The following GRIA2 variants were observed in gnomAD, a reference collection of about 807,000 sequenced individuals.
The protein encoded by GRIA2 is glutamate ionotropic receptor AMPA type subunit 2.
A neutral mutation model predicts 97.3 loss-of-function variants in GRIA2; 14 were observed. That is an observed-to-expected ratio of 0.14 (90% CI 0.10 to 0.23). The LOEUF (loss-of-function observed/expected upper bound fraction) is 0.23. Ranked by LOEUF, GRIA2 falls within the 10% of genes least tolerant of loss-of-function variation. The probability of loss-of-function intolerance (pLI) is 1.00; values close to 1 mark genes in which losing one functional copy is unlikely to be tolerated. For synonymous variants in GRIA2, 412 were observed against 387.8 expected, an observed-to-expected ratio of 1.06 and a Z score of -0.73; for missense variants, 558 against 1,069.8, an observed-to-expected ratio of 0.52 and a Z score of 6.67.
chr4:157,274,807 G>A (rs1732208274), intron 2 of GRIA2, among the ~76,000 whole-genome samples: 1 of 151,866 alleles, frequency 6.6e-6, no homozygotes, highest in African/African-American at 2.4e-5. Flanking sequence ...TTGCTATTGT[G>A]AATAGTGCTG....
At chr4:157,221,599 G>A in intron 1 of GRIA2, 68 bp from the exon 2 acceptor site, 17 of 1,531,722 alleles carry the variant, frequency 1.1e-5, no homozygotes, top group South Asian at 5.9e-5. Context: ...TTGGGCGCTA[G>A]CGCGCGCCCC....
Position 157,303,759 on chromosome 4 carries a change from A to G in GRIA2, c.437A>G (p.Asp146Gly). ...AGCTTGATTGAATACTATCAATGGG[A>G]CAAGTTTGCATACCTCTATGACAGT... ...LLSLIEYYQW[D>G]KFAYLYDSDR... The change falls in exon 3 of 16, where the codon GAC becomes GGC. Residue 146 changes from aspartate (D) to glycine (G), a missense_variant. By Grantham distance (94) the Asp-to-Gly change is moderately conservative. This residue lies in a region of GRIA2 where 173 missense variants were observed against 209.1 expected (regional missense o/e 0.83). Coordinates refer to ENST00000264426, the MANE Select transcript of GRIA2 (RefSeq NM_001083619.3). The G allele has an allele frequency of 3.7e-6, 6 of 1,613,784 alleles. No individual in the cohort carries two copies. Among genetic ancestry groups the G allele is most frequent in the Non-Finnish European group, 5.1e-6 (6 of 1,179,706 alleles).
rs1162343062 is a variant in GRIA2, at chr4:157,355,923, T to A, written c.2044-3973T>A. Reference sequence around the variant, plus strand: ...TATAAATATATATATATTAATATATTTATATATATTTATATATTAATATAT... The same window carrying A: ...TATAAATATATATATATTAATATATATATATATATTTATATATTAATATAT... On this transcript the variant is annotated intron_variant, in intron 12 of 15. Coordinates refer to ENST00000264426, the MANE Select transcript of GRIA2 (RefSeq NM_001083619.3). Among the ~76,000 whole-genome samples the A allele has an allele frequency of 1.6e-3, 106 of 67,088 alleles. 6 individuals carry two copies. Among genetic ancestry groups the A allele is most frequent in the Non-Finnish European group, 2.3e-3 (92 of 39,996 alleles). 44.0% of individuals were successfully genotyped at this position (67,088 alleles called of 152,430 possible). A position where few individuals can be genotyped will look rare whatever the true frequency, so the allele number is the denominator to read the frequency against.
intron 2 of GRIA2, among the ~76,000 whole-genome samples, chr4:157,278,430 G>A (rs927267117): frequency 3.8e-4 from 57 of 151,990 alleles, no homozygotes; most frequent in African/African-American, 1.3e-3. Flanking sequence ...AACAAAAAAA[G>A]AACCTGTGAC....
In GRIA2 at chr4:157,332,827, T is replaced by C. The variant is rs34460606; in HGVS notation, c.891T>C (p.Ser297=). ...TGTGTGATCCTTTGCAGTATACTTCTGCTCTGACCTATGATGCCGTTCAAG... is the reference window on the plus strand; with the variant it reads ...TGTGTGATCCTTTGCAGTATACTTCCGCTCTGACCTATGATGCCGTTCAAG... ...GAHTTTIKYT[S]ALTYDAVQVM... The change falls in exon 7 of 16, where the codon TCT becomes TCC. Residue 297 remains serine, a synonymous_variant. Coordinates refer to ENST00000264426, the MANE Select transcript of GRIA2 (RefSeq NM_001083619.3). 4,357 of 1,611,434 alleles carry C rather than the reference T, an allele frequency of 2.7e-3. 92 individuals carry two copies. The African/African-American group carries it at 0.047, about 17-fold the overall frequency.
At chr4:157,315,818 C>T (rs949446624) in intron 4 of GRIA2, among the ~76,000 whole-genome samples, 3 of 152,148 alleles carry the variant, frequency 2.0e-5, no homozygotes, top group South Asian at 2.1e-4. Context: ...GGATTACAGG[C>T]GTGGACTATG....
intron 2 of GRIA2, among the ~76,000 whole-genome samples, chr4:157,269,473 C>A (rs1049997948): frequency 6.6e-6 from 1 of 151,906 alleles, no homozygotes; most frequent in Admixed American, 6.6e-5. Flanking sequence ...GTAAACGTAC[C>A]TCTGAAAGCT....
At chr4:157,276,885 A>G (rs1732342053) in intron 2 of GRIA2, among the ~76,000 whole-genome samples, 3 of 151,952 alleles carry the variant, frequency 2.0e-5, no homozygotes, top group South Asian at 2.1e-4. Flanking sequence ...AATTGAATAA[A>G]CCTATGTCTA....
At chr4:157,301,421 A>T (rs1218166209) in intron 2 of GRIA2, among the ~76,000 whole-genome samples, 1 of 152,220 alleles carries the variant, frequency 6.6e-6, no homozygotes, top group Non-Finnish European at 1.5e-5. Context: ...AAATAAATGT[A>T]ATGAAATGCA....
rs530749225 is a variant in GRIA2, at chr4:157,226,443, A to C, written c.229+4636A>C. Among the ~76,000 whole-genome samples, 366 of 152,228 alleles carry C rather than the reference A, an allele frequency of 2.4e-3. 1 individual carries two copies. Among genetic ancestry groups the C allele is most frequent in the African/African-American group, 8.2e-3 (340 of 41,578 alleles). On this transcript the variant is annotated intron_variant, in intron 2 of 15. Coordinates refer to ENST00000264426, the MANE Select transcript of GRIA2 (RefSeq NM_001083619.3). ...TGCCCTATATTTTATGTTTTAGAAG[A>C]TAAAGACTGTTAGAATAGATTGTAA... is the stretch of plus-strand genomic sequence containing the variant.
chr4:157,347,091 T>G (rs1735796003), intron 12 of GRIA2, among the ~76,000 whole-genome samples: 1 of 152,142 alleles, frequency 6.6e-6, no homozygotes, highest in Non-Finnish European at 1.5e-5. Context: ...ATTGCCCAGT[T>G]TAAGGACCGT....
intron 3 of GRIA2, among the ~76,000 whole-genome samples, chr4:157,305,696 T>C (rs924440557): frequency 1.3e-5 from 2 of 152,148 alleles, no homozygotes; most frequent in Non-Finnish European, 2.9e-5. Context: ...TGGGTTCATA[T>C]ATCATTTCCT....
At chr4:157,246,712 T>C (rs1730747839) in intron 2 of GRIA2, among the ~76,000 whole-genome samples, 1 of 152,152 alleles carries the variant, frequency 6.6e-6, no homozygotes, top group Admixed American at 6.6e-5. Context: ...GGATATTTCT[T>C]ATAGTTAATG....
At position 157,221,082 on chromosome 4, in the gene GRIA2, G is replaced by A. The variant is rs1381634370; in HGVS notation, c.40G>A (p.Val14Ile). 1 of 1,597,608 alleles carries A rather than the reference G, an allele frequency of 6.3e-7. No individual in the cohort carries two copies. The highest frequency in any genetic ancestry group is 8.6e-7 in the Non-Finnish European group (1 of 1,165,042). Residue 14 changes from valine to isoleucine, a missense_variant, in exon 1 of 16, where the codon GTT (valine) becomes ATT (isoleucine). By Grantham distance (29) the Val-to-Ile change is conservative (BLOSUM62 3). Around this residue, in one of 8 missense-constraint regions of GRIA2, gnomAD observed 96 missense variants for 176.6 expected, o/e 0.54. Transcript: ENST00000264426. ...GCATATTTCTGTCCTCCTTTCTCCT[G>A]TTTTATGGGGACTGATTTTTGGTGT... is the stretch of plus-strand genomic sequence containing the variant. ...IMHISVLLSPVLWGLIFGVSS... is the reference protein window; with the variant it reads ...IMHISVLLSPILWGLIFGVSS...
intron 6 of GRIA2, among the ~76,000 whole-genome samples, chr4:157,325,854 C>T (rs1401550823): frequency 6.6e-6 from 1 of 152,198 alleles, no homozygotes; most frequent in Non-Finnish European, 1.5e-5. Context: ...ATTATTACAA[C>T]AGTTTCTAAA....
chr4:157,302,975 CTTTA>C (rs1275904048), intron 2 of GRIA2, among the ~76,000 whole-genome samples: 1 of 152,098 alleles, frequency 6.6e-6, no homozygotes, highest in African/African-American at 2.4e-5. Context: ...AAGTTTTGGA[CTTTA>C]TTTAATTGCT....
rs1000258568 is a variant in GRIA2, at chr4:157,349,076, C to CTT, written c.2043+7616_2043+7617dup. ...CAGACAGTGACTATTGATGGAACAA[C>CTT]TTTGATCTTTTTATCAGAAAGATGG... On this transcript the variant is annotated intron_variant, in intron 12 of 15. Transcript: ENST00000264426. Among the ~76,000 whole-genome samples, 5 of 152,236 alleles carry CTT rather than the reference C, an allele frequency of 3.3e-5. No homozygotes were observed. In the Middle Eastern group the frequency reaches 0.01, roughly 311 times the overall value.
chr4:157,308,207 T>C (rs781167780), intron 3 of GRIA2, among the ~76,000 whole-genome samples: 8 of 152,312 alleles, frequency 5.3e-5, no homozygotes, highest in East Asian at 1.9e-4. Context: ...AGAGTGTTAT[T>C]AATACTGGGT....
At chr4:157,355,945 ATATATT>A (rs1486138696) in intron 12 of GRIA2, among the ~76,000 whole-genome samples, 186 of 3,606 alleles carry the variant, frequency 0.052, 2 homozygotes, top group East Asian at 0.17. Flanking sequence ...ATATATTAAT[ATATATT>A]TATATATTTA....
Sources: allele counts gnomAD v4.1 joint callset (sites outside exome capture counted in the v4.1 genomes callset), GRCh38; gene constraint gnomAD v4.1.1; regional missense constraint gnomAD v4.1.1; transcripts MANE v1.5; gene names NCBI Gene and HGNC (gene_info 2026-07-23, HGNC 2026-07-21).